FBXL19: variants seen among roughly 807,000 people sequenced by gnomAD.
FBXL19 encodes the protein F-box and leucine rich repeat protein 19, also known as F-box/LRR-repeat protein 19.
In FBXL19, 16 loss-of-function variants were observed where a neutral mutation model predicts 71.2. The observed-to-expected ratio is 0.22, with a 90% confidence interval of 0.15 to 0.34. The LOEUF (loss-of-function observed/expected upper bound fraction) is 0.34, where lower values mean the gene tolerates loss of function less well. Ranked by LOEUF, FBXL19 falls within the 10% of genes least tolerant of loss-of-function variation. The probability of loss-of-function intolerance (pLI) is 1.00; values close to 1 mark genes in which losing one functional copy is unlikely to be tolerated. For missense variants in FBXL19, 658 were observed against 968.2 expected (o/e 0.68, Z 4.25); for synonymous variants, 447 against 409.4 (o/e 1.09, Z -1.11).
Position 30,942,597 on chromosome 16 carries a change from T to C in FBXL19, c.1627+61T>C. ...GGGCAAGGGTAGGGTAGGAGGCCTC[T>C]CAGGTCTCTTCTGACTCATGCTGGA... On this transcript the variant is annotated intron_variant, in intron 9 of 10. Transcript: ENST00000338343. This position sits in a 1 kb window ranked among gnomAD's most constrained non-coding sequence, Gnocchi z 5.7. 1 of 1,482,628 alleles carries C rather than the reference T, an allele frequency of 6.7e-7. No homozygotes were observed. 91.8% of individuals were successfully genotyped at this position (1,482,628 alleles called of 1,614,324 possible).
chr16:30,927,703 G>A, intron 4 of FBXL19, 42 bp from the exon 5 acceptor site: 1 of 1,557,386 alleles, frequency 6.4e-7, no homozygotes, highest in Admixed American at 1.9e-5. Flanking sequence ...TGGGTGTTGG[G>A]GAGCTGTGCA....
rs1415765121 is a variant in FBXL19, at chr16:30,946,291, CCT to C, written c.1628-435_1628-434del. ...CAATCGTGGCTCACTGCAACCTCCA[CCT>C]CTCGGGTTCAAGTGATTCTCCTGCC... On this transcript the variant is annotated intron_variant, in intron 9 of 10. Transcript: ENST00000338343. This position sits in a 1 kb window ranked among gnomAD's most constrained non-coding sequence, Gnocchi z 6.7. 2.6e-5 allele frequency among the ~76,000 whole-genome samples: 4 copies of C among 152,176 alleles called. No homozygotes were observed. Among genetic ancestry groups the C allele is most frequent in the Non-Finnish European group, 5.9e-5 (4 of 68,034 alleles).
intron 7 of FBXL19, among the ~76,000 whole-genome samples, chr16:30,935,742 C>T (rs966441055): frequency 7.2e-5 from 11 of 152,000 alleles, no homozygotes; most frequent in African/African-American, 2.7e-4. Flanking sequence ...GGGGCTTCTG[C>T]AAGAGGGAGG....
At chr16:30,924,664 A>G in intron 1 of FBXL19, 1 of 1,329,226 alleles carries the variant, frequency 7.5e-7, no homozygotes, top group Non-Finnish European at 9.6e-7. Flanking sequence ...GAAAGCCCCC[A>G]CCCCCGCCTG....
intron 2 of FBXL19, among the ~76,000 whole-genome samples, chr16:30,926,170 CAG>C (rs532082784): frequency 4.7e-4 from 72 of 152,324 alleles, no homozygotes; most frequent in African/African-American, 1.7e-3. Flanking sequence ...TCCCAGCTCT[CAG>C]AGTCACACCC....
intron 2 of FBXL19, 112 bp downstream of exon 2, chr16:30,926,043 C>A: frequency 2.2e-6 from 3 of 1,335,550 alleles, no homozygotes; most frequent in Non-Finnish European, 2.9e-6. Flanking sequence ...TTCACTCGTT[C>A]ATTTCTTCCC....
At chr16:30,933,195 G>C (rs971830827) in intron 7 of FBXL19, among the ~76,000 whole-genome samples, 4 of 152,126 alleles carry the variant, frequency 2.6e-5, no homozygotes, top group Middle Eastern at 3.4e-3. Context: ...AAGAGACAGG[G>C]TTTCACCATG....
chr16:30,946,762 G>C lies in FBXL19; in HGVS notation c.1660G>C (p.Val554Leu), dbSNP rs375493822. ...QTESRGRLQGVAELRLAGLEL... is the reference protein window; with the variant it reads ...QTESRGRLQGLAELRLAGLEL... The stretch of plus-strand genomic sequence containing the variant: ...AGAGAGCCGTGGTCGGCTGCAGGGG[G>C]TGGCAGAACTGCGTCTGGCAGGTTT... The change falls in exon 10 of 11, where the codon GTG becomes CTG. Residue 554 changes from valine to leucine, a missense_variant. Physicochemically the swap from Val to Leu is conservative, Grantham distance 32. Transcript: ENST00000338343. The surrounding 1 kb of genome is among the most constrained non-coding windows in gnomAD (Gnocchi z 6.7). 2 of 1,613,292 alleles carry C rather than the reference G, an allele frequency of 1.2e-6. No individual in the cohort carries two copies. The highest frequency in any genetic ancestry group is 2.7e-5 in the African/African-American group (2 of 74,906).
chr16:30,928,698 C>T (rs2055634110), intron 6 of FBXL19, 70 bp downstream of exon 6: 4 of 1,305,066 alleles, frequency 3.1e-6, no homozygotes, highest in Non-Finnish European at 3.0e-6. Flanking sequence ...GAGCCCAAGA[C>T]CTGTCCCTTC....
At chr16:30,931,516 A>G (rs1178947756) in intron 7 of FBXL19, among the ~76,000 whole-genome samples, 1 of 152,144 alleles carries the variant, frequency 6.6e-6, no homozygotes, top group Non-Finnish European at 1.5e-5. Flanking sequence ...GCACTGCACC[A>G]AGGTTAGCTG....
At chr16:30,926,702 C>T (rs1007178990) in intron 2 of FBXL19, among the ~76,000 whole-genome samples, 47 of 152,172 alleles carry the variant, frequency 3.1e-4, no homozygotes, top group African/African-American at 9.4e-4. Context: ...CCTCACTTTT[C>T]CTTCTCCCCC....
chr16:30,925,696 TG>T lies in FBXL19; in HGVS notation c.-24-32del. On this transcript the variant is annotated intron_variant, in intron 1 of 10. Transcript: ENST00000338343. This position sits in a 1 kb window ranked among gnomAD's most constrained non-coding sequence, Gnocchi z 5.0. The stretch of plus-strand genomic sequence containing the variant: ...GGGGTCTCCCAGGCCAGGGCCCCAG[TG>T]GGCCCATCTGACCCTGCCACCATCC... The T allele has an allele frequency of 6.8e-7, 1 of 1,472,598 alleles. No homozygotes were observed. Among genetic ancestry groups the T allele is most frequent in the Admixed American group, 2.7e-5 (1 of 37,206 alleles). The allele number at this position is 1,472,598 out of a possible 1,614,324, so 91.2% of individuals were successfully genotyped here.
chr16:30,926,231 G>C (rs2055589138), intron 2 of FBXL19, among the ~76,000 whole-genome samples: 1 of 152,144 alleles, frequency 6.6e-6, no homozygotes, highest in African/African-American at 2.4e-5. Flanking sequence ...ATGTCTCTGT[G>C]CAGGAGGGGG....
In FBXL19 at chr16:30,927,418, C is replaced by A; in HGVS notation, c.288C>A (p.Ile96=). ...KFGLSLMECT[I]CNEIVHPGCL... ...GTTTGAGCCTCATGGAGTGTACAAT[C>A]TGCAACGAGATCGTCCACCCCGGCT... is the stretch of plus-strand genomic sequence containing the variant. The change falls in exon 3 of 11, where the codon ATC becomes ATA. Residue 96 remains isoleucine, a synonymous_variant. Coordinates refer to ENST00000338343, the MANE Select transcript of FBXL19 (RefSeq NM_001382779.1). 6.3e-7 allele frequency: 1 copy of A among 1,593,702 alleles called. No individual in the cohort carries two copies. The highest frequency in any genetic ancestry group is 2.3e-5 in the East Asian group (1 of 44,064).
At position 30,923,903 on chromosome 16, in the gene FBXL19, A is replaced by G. The variant is rs1279867635; in HGVS notation, c.-581A>G. ...TCGCAGCCGTAGGGCAGGGGGTCGC[A>G]GTCCAGGGGCGGGCCCAGGGGAGGG... On this transcript the variant is annotated 5_prime_UTR_variant, in exon 1 of 11. Coordinates refer to ENST00000338343, the MANE Select transcript of FBXL19 (RefSeq NM_001382779.1). Among the ~76,000 whole-genome samples the G allele has an allele frequency of 1.4e-5, 2 of 145,434 alleles. No homozygotes were observed. Among genetic ancestry groups the G allele is most frequent in the African/African-American group, 2.6e-5 (1 of 38,930 alleles).
In FBXL19 at chr16:30,947,576, G is replaced by A. The variant is rs540496489; in HGVS notation, c.*346G>A. The A allele has an allele frequency of 2.6e-5, 8 of 310,508 alleles. No individual in the cohort carries two copies. The East Asian group carries it at 7.9e-4, about 30-fold the overall frequency. 19.2% of individuals were successfully genotyped at this position (310,508 alleles called of 1,614,324 possible). On this transcript the variant is annotated 3_prime_UTR_variant, in exon 11 of 11. Coordinates refer to ENST00000338343, the MANE Select transcript of FBXL19 (RefSeq NM_001382779.1). ...GAGAATGGGGAAAGGACACACACAG[G>A]ATATGGGAGCCAGGGGCTGGGGGAG...
intron 7 of FBXL19, among the ~76,000 whole-genome samples, chr16:30,932,792 G>A (rs1220410746): frequency 6.6e-6 from 1 of 151,922 alleles, no homozygotes; most frequent in African/African-American, 2.4e-5. Flanking sequence ...GCTCTGCGAG[G>A]TCTGGGCACA....
chr16:30,940,433 A>G (rs1337488924), intron 7 of FBXL19, among the ~76,000 whole-genome samples: 1 of 151,900 alleles, frequency 6.6e-6, no homozygotes, highest in Non-Finnish European at 1.5e-5. Context: ...AAAAAAAAAA[A>G]AAAGCTTCCT....
At position 30,927,356 on chromosome 16, in the gene FBXL19, AAGG is replaced by A; in HGVS notation, c.231_233del (p.Glu77del). The A allele has an allele frequency of 1.9e-6, 3 of 1,588,624 alleles. No homozygotes were observed. The highest frequency in any genetic ancestry group is 2.6e-6 in the Non-Finnish European group (3 of 1,167,394). ...GTGCCTCTTGTGTGGGGAGGCTGGG[AAGG>A]AGGACACGGTGGAGGGAGAGGAAGA... On this transcript the variant is annotated inframe_deletion, in exon 3 of 11. Coordinates refer to ENST00000338343, the MANE Select transcript of FBXL19 (RefSeq NM_001382779.1).
Sources: gnomAD v4.1 joint callset for allele counts (sites outside exome capture counted in the v4.1 genomes callset) on GRCh38, gnomAD v4.1.1 for gene constraint, Gnocchi (gnomAD v3.1) non-coding constraint, MANE v1.5 for transcripts, NCBI Gene and HGNC (gene_info 2026-07-23, HGNC 2026-07-21) for gene names.